The following CEP112 variants were observed in gnomAD, a reference collection of about 807,000 sequenced individuals.
CEP112 encodes centrosomal protein 112, also known as centrosomal protein of 112 kDa.
In CEP112, 127 loss-of-function variants were observed where a neutral mutation model predicts 153.0. The observed-to-expected ratio is 0.83, with a 90% CI of 0.72 to 0.96. The LOEUF (loss-of-function observed/expected upper bound fraction) is 0.96, where lower values mean the gene tolerates loss of function less well. Ranked by LOEUF, CEP112 falls within the 40% of genes least tolerant of loss-of-function variation. The pLI, the probability that CEP112 is intolerant of heterozygous loss-of-function variation, is 0.00. For missense variants in CEP112, 1,089 were observed against 1,101.2 expected (o/e 0.99, Z 0.16); for synonymous variants, 358 against 374.4 (o/e 0.96, Z 0.51).
chr17:66,082,380 T>C (rs752511755), intron 8 of CEP112, among the ~76,000 whole-genome samples: 6 of 152,196 alleles, frequency 3.9e-5, no homozygotes, highest in Non-Finnish European at 8.8e-5. Flanking sequence ...AAAGTTAAAA[T>C]AAAGGATCAC....
intron 4 of CEP112, among the ~76,000 whole-genome samples, chr17:66,141,011 T>A (rs1217471339): frequency 1.3e-5 from 2 of 152,110 alleles, no homozygotes; most frequent in African/African-American, 4.8e-5. Flanking sequence ...ACTACTTCTT[T>A]ATTGCTTCTC....
At chr17:65,658,127 CATT>C (rs2046151518) in intron 24 of CEP112, among the ~76,000 whole-genome samples, 1 of 152,348 alleles carries the variant, frequency 6.6e-6, no homozygotes, top group Admixed American at 6.5e-5. Flanking sequence ...GGAAGACAGA[CATT>C]ATCTACTCAC....
chr17:65,712,547 C>T (rs185904107), intron 23 of CEP112, among the ~76,000 whole-genome samples: 4 of 152,240 alleles, frequency 2.6e-5, no homozygotes, highest in Admixed American at 6.5e-5. Flanking sequence ...CAGGGCTATT[C>T]GCGTCACTAT....
intron 23 of CEP112, among the ~76,000 whole-genome samples, chr17:65,704,859 C>A (rs980591733): frequency 6.6e-6 from 1 of 152,212 alleles, no homozygotes; most frequent in African/African-American, 2.4e-5. Flanking sequence ...TCCGTTTAAA[C>A]CACTTAGAAT....
intron 25 of CEP112, among the ~76,000 whole-genome samples, chr17:65,637,500 C>T (rs1167727467): frequency 6.6e-6 from 1 of 152,232 alleles, no homozygotes; most frequent in Admixed American, 6.5e-5. Context: ...GTCTTTCTCG[C>T]TCCGTTGCTC....
chr17:65,763,962 G>A (rs576797653), intron 21 of CEP112, among the ~76,000 whole-genome samples: 1 of 152,164 alleles, frequency 6.6e-6, no homozygotes, highest in African/African-American at 2.4e-5. Context: ...ACGTGTTAGG[G>A]AAGAGGAAGT....
At chr17:66,123,645 A>C (rs545967539) in intron 6 of CEP112, among the ~76,000 whole-genome samples, 5 of 152,176 alleles carry the variant, frequency 3.3e-5, no homozygotes, top group Non-Finnish European at 1.5e-5. Context: ...AGAAATAGAA[A>C]CCCCCTCTTC....
intron 16 of CEP112, among the ~76,000 whole-genome samples, chr17:66,022,020 T>A (rs1182223114): frequency 3.9e-5 from 6 of 152,156 alleles, no homozygotes; most frequent in Non-Finnish European, 8.8e-5. Flanking sequence ...GGGAATAACG[T>A]AAGATTCCCA....
chr17:65,906,173 A>C (rs967917727), intron 19 of CEP112, among the ~76,000 whole-genome samples: 18 of 151,788 alleles, frequency 1.2e-4, no homozygotes, highest in African/African-American at 2.9e-4. Context: ...AGGAACAGAA[A>C]ACCAAACACC....
chr17:65,942,541 G>A (rs1034769750), intron 18 of CEP112, among the ~76,000 whole-genome samples: 1 of 152,148 alleles, frequency 6.6e-6, no homozygotes, highest in African/African-American at 2.4e-5. Flanking sequence ...GAAAAGGAAG[G>A]GTAAAGGGTG....
chr17:65,868,833 T>C (rs1461301905), intron 20 of CEP112, among the ~76,000 whole-genome samples: 1 of 152,250 alleles, frequency 6.6e-6, no homozygotes, highest in Non-Finnish European at 1.5e-5. Context: ...TAACATTTTT[T>C]GGAAATGATT....
intron 21 of CEP112, among the ~76,000 whole-genome samples, chr17:65,756,532 GC>G (rs2052293728): frequency 1.3e-5 from 2 of 151,966 alleles, no homozygotes; most frequent in African/African-American, 4.8e-5. Context: ...AGAAAGTGAG[GC>G]CTGAGAATTG....
chr17:66,011,331 A>C (rs2064518964), intron 16 of CEP112, among the ~76,000 whole-genome samples: 1 of 152,014 alleles, frequency 6.6e-6, no homozygotes. Context: ...TTAACTTGAG[A>C]TCTTTCTAAC....
chr17:65,804,218 GAGA>G, intron 21 of CEP112, among the ~76,000 whole-genome samples: 1 of 152,150 alleles, frequency 6.6e-6, no homozygotes, highest in South Asian at 2.1e-4. Flanking sequence ...ATAAACACAA[GAGA>G]AGCTTTGTAT....
chr17:66,067,291 G>A (rs2067159235), intron 9 of CEP112, among the ~76,000 whole-genome samples: 2 of 152,158 alleles, frequency 1.3e-5, no homozygotes, highest in Non-Finnish European at 2.9e-5. Context: ...TGGCATTGTA[G>A]TGATTTAAGT....
chr17:65,771,280 C>T (rs925304310), intron 21 of CEP112, among the ~76,000 whole-genome samples: 7 of 152,130 alleles, frequency 4.6e-5, no homozygotes, highest in African/African-American at 1.4e-4. Context: ...CTCTGTATCT[C>T]TGTAGAGATA....
chr17:66,042,076 C>G (rs1022615075), intron 12 of CEP112, among the ~76,000 whole-genome samples: 2 of 152,116 alleles, frequency 1.3e-5, no homozygotes, highest in African/African-American at 4.8e-5. Context: ...TGGCTGGGCA[C>G]GGTGATTCAT....
At chr17:65,867,903 G>A (rs575930465) in intron 20 of CEP112, among the ~76,000 whole-genome samples, 1 of 147,404 alleles carries the variant, frequency 6.8e-6, no homozygotes, top group Non-Finnish European at 1.5e-5. Context: ...GGGGAATGAA[G>A]TCACCCATGG....
At chr17:66,058,573 G>A (rs1188796217) in intron 11 of CEP112, among the ~76,000 whole-genome samples, 2 of 152,096 alleles carry the variant, frequency 1.3e-5, no homozygotes, top group African/African-American at 4.8e-5. Flanking sequence ...AATAAGTCAG[G>A]CATGGTGCCT....
Sources: gnomAD v4.1 joint callset for allele counts (sites outside exome capture counted in the v4.1 genomes callset) on GRCh38, gnomAD v4.1.1 for gene constraint, MANE v1.5 for transcripts, NCBI Gene and HGNC (gene_info 2026-07-23, HGNC 2026-07-21) for gene names.